The following CDH2 variants were observed in gnomAD, a reference collection of about 807,000 sequenced individuals.
CDH2 encodes the protein cadherin-2.
In CDH2, 17 loss-of-function variants were observed where a neutral mutation model predicts 92.0. That is an observed-to-expected ratio of 0.18 (90% CI 0.13 to 0.28). The LOEUF is 0.28. CDH2 is among the 10% of genes least tolerant of loss of function. The pLI, the probability that CDH2 is intolerant of heterozygous loss-of-function variation, is 1.00. For missense variants in CDH2, 862 were observed against 1,133.1 expected, an observed-to-expected ratio of 0.76 and a Z score of 3.44; for synonymous variants, 419 against 415.9, an observed-to-expected ratio of 1.01 and a Z score of -0.09.
intron 2 of CDH2, among the ~76,000 whole-genome samples, chr18:28,029,018 G>GA (rs1187877726): frequency 6.6e-6 from 1 of 152,006 alleles, no homozygotes; most frequent in Non-Finnish European, 1.5e-5. Context: ...ATGTAACCAG[G>GA]AAAAAATCAT....
intron 2 of CDH2, among the ~76,000 whole-genome samples, chr18:28,088,901 T>G (rs1434749751): frequency 6.6e-6 from 1 of 152,020 alleles, no homozygotes; most frequent in Non-Finnish European, 1.5e-5. Flanking sequence ...AAGACTACAG[T>G]GCCAATTCAA....
At chr18:28,050,571 G>A (rs1272182520) in intron 2 of CDH2, among the ~76,000 whole-genome samples, 1 of 152,188 alleles carries the variant, frequency 6.6e-6, no homozygotes, top group Admixed American at 6.5e-5. Flanking sequence ...GCAGTTCTAG[G>A]TTTCAAGAAG....
At chr18:28,127,306 C>T (rs1386421414) in intron 2 of CDH2, among the ~76,000 whole-genome samples, 1 of 152,120 alleles carries the variant, frequency 6.6e-6, no homozygotes, top group Non-Finnish European at 1.5e-5. Context: ...GGAGCAGTTA[C>T]GGATTCAGTG....
At chr18:28,066,090 T>C (rs1278004900) in intron 2 of CDH2, among the ~76,000 whole-genome samples, 1 of 152,204 alleles carries the variant, frequency 6.6e-6, no homozygotes, top group Non-Finnish European at 1.5e-5. Context: ...TGCGTGTTCA[T>C]TTGTGTCACA....
At chr18:27,981,256 A>G (rs563134295) in intron 14 of CDH2, among the ~76,000 whole-genome samples, 49 of 152,336 alleles carry the variant, frequency 3.2e-4, no homozygotes, top group African/African-American at 1.1e-3. Flanking sequence ...CTGGAAGTAG[A>G]CGATTTATGA....
chr18:28,158,976 TTAAA>T (rs2016264318), intron 1 of CDH2, among the ~76,000 whole-genome samples: 1 of 152,238 alleles, frequency 6.6e-6, no homozygotes, highest in African/African-American at 2.4e-5. Context: ...TTTAAGTGAA[TTAAA>T]TATATAATTT....
In CDH2 at chr18:27,992,638, G is replaced by A. The variant is rs761247620; in HGVS notation, c.1344+17C>T. The A allele has an allele frequency of 2.5e-6, 4 of 1,599,170 alleles. No individual in the cohort carries two copies. The highest frequency in any genetic ancestry group is 2.6e-6 in the Non-Finnish European group (3 of 1,171,210). On this transcript the variant is annotated intron_variant, in intron 9 of 15. Coordinates refer to ENST00000269141, the MANE Select transcript of CDH2 (RefSeq NM_001792.5). ...TGAGCAGCTGTTGGAGAGATCAGTG[G>A]CCCGAGGAACACTTACTTTGACCAC...
In CDH2 at chr18:27,952,327, A is replaced by C. The variant is rs763571811; in HGVS notation, c.2547T>G (p.Ala849=). 5.0e-6 allele frequency: 8 copies of C among 1,613,480 alleles called. No homozygotes were observed. In the African/African-American group the frequency reaches 9.4e-5, roughly 19 times the overall value. ...ACACTAACAGGGAGTCATATGGTGG[A>C]GCTGTGGGGTCATTGTCAGCCGCTT... ...GLKAADNDPT[A]PPYDSLLVFD... is the part of the protein sequence containing the mutation. Residue 849 remains alanine (A), a synonymous_variant, in exon 16 of 16, where the codon GCT becomes GCG. Transcript: ENST00000269141.
chr18:27,933,130 G>GA (rs1448330630), intron 6 of CDH2, among the ~76,000 whole-genome samples: 14 of 151,666 alleles, frequency 9.2e-5, no homozygotes, highest in Non-Finnish European at 1.8e-4. Context: ...GTTTTCTGTA[G>GA]AAAAAAAATG....
intron 7 of CDH2, among the ~76,000 whole-genome samples, chr18:27,998,057 T>C (rs542154441): frequency 8.7e-4 from 133 of 152,232 alleles, no homozygotes; most frequent in African/African-American, 1.9e-3. Context: ...CCGCCCACCT[T>C]GGCCTCCCAA....
chr18:27,993,319 A>G (rs567858928), intron 8 of CDH2, among the ~76,000 whole-genome samples, 181 bp downstream of exon 8: 14 of 152,348 alleles, frequency 9.2e-5, no homozygotes, highest in African/African-American at 3.1e-4. Context: ...AAGACTACGA[A>G]GAAACAAATT....
chr18:28,140,885 C>G (rs1318692012), intron 2 of CDH2, among the ~76,000 whole-genome samples: 1 of 129,942 alleles, frequency 7.7e-6, no homozygotes, highest in African/African-American at 3.0e-5. Context: ...ATAGACATTT[C>G]TCCAAACAAG....
intron 2 of CDH2, among the ~76,000 whole-genome samples, chr18:28,023,965 A>AACAGGGAAGCACTTTGGCTTAGT (rs1432043825): frequency 6.6e-6 from 1 of 152,128 alleles, no homozygotes; most frequent in Non-Finnish European, 1.5e-5. Context: ...AATTCCATAT[A>AACAGGGAAGCACTTTGGCTTAGT]ACAGGGAAGC....
intron 2 of CDH2, among the ~76,000 whole-genome samples, chr18:28,145,157 A>T (rs1568015843): frequency 6.6e-6 from 1 of 152,094 alleles, no homozygotes; most frequent in Non-Finnish European, 1.5e-5. Context: ...TGTCAGATGT[A>T]TCCTAAGAAT....
intron 2 of CDH2, among the ~76,000 whole-genome samples, chr18:28,076,684 T>TC (rs1238934310): frequency 8.7e-6 from 1 of 115,370 alleles, no homozygotes; most frequent in African/African-American, 3.3e-5. Flanking sequence ...ATGCTTTCCC[T>TC]CCCCCCTCCC....
intron 2 of CDH2, among the ~76,000 whole-genome samples, chr18:28,018,079 T>C (rs2013302312): frequency 6.6e-6 from 1 of 151,056 alleles, no homozygotes; most frequent in Non-Finnish European, 1.5e-5. Context: ...AAAATTAATG[T>C]ACACAAATCA....
chr18:27,959,779 C>T (rs996778733), intron 15 of CDH2, among the ~76,000 whole-genome samples: 1 of 152,144 alleles, frequency 6.6e-6, no homozygotes, highest in Non-Finnish European at 1.5e-5. Context: ...CTGTCTCCAA[C>T]TCTAGGGGCA....
chr18:28,027,698 C>A lies in CDH2; in HGVS notation c.173-13789G>T, dbSNP rs571746492. ...TTCTCCCTTGTATACATTCTAATAA[C>A]TCAAAAGTTTTTAAGCTGTTCTTCA... is the stretch of plus-strand genomic sequence containing the variant. On this transcript the variant is annotated intron_variant, in intron 2 of 15. Coordinates refer to ENST00000269141, the MANE Select transcript of CDH2 (RefSeq NM_001792.5). 2.0e-3 allele frequency among the ~76,000 whole-genome samples: 299 copies of A among 152,222 alleles called. 5 individuals carry two copies. The highest frequency in any genetic ancestry group is 6.9e-3 in the African/African-American group (288 of 41,568).
chr18:27,985,149 T>G lies in CDH2; in HGVS notation c.2060A>C (p.Asn687Thr), dbSNP rs377497277. ...EVPIIITDSG[N>T]PPKSNISILR... ...GATGGAAATATTTGATTTGGGAGGA[T>G]TACCCGAATCTGTGATTATGATGGG... The change falls in exon 13 of 16, where the codon AAT becomes ACT. Residue 687 changes from asparagine (N) to threonine (T), a missense_variant. By Grantham distance (65) the Asn-to-Thr change is moderately conservative. Transcript: ENST00000269141. The G allele has an allele frequency of 6.2e-7, 1 of 1,613,010 alleles. No individual in the cohort carries two copies. The highest frequency in any genetic ancestry group is 8.5e-7 in the Non-Finnish European group (1 of 1,179,128).
Sources: gnomAD v4.1 joint callset for allele counts (sites outside exome capture counted in the v4.1 genomes callset) on GRCh38, gnomAD v4.1.1 for gene constraint, MANE v1.5 for transcripts, NCBI Gene and HGNC (gene_info 2026-07-23, HGNC 2026-07-21) for gene names.